The following C6orf62 variants were observed in gnomAD, a reference collection of about 807,000 sequenced individuals.
C6orf62 encodes the protein uncharacterized protein C6orf62.
Under a neutral mutation model 26.8 loss-of-function variants are expected in C6orf62, and 16 were observed. The observed-to-expected ratio is 0.60, with a 90% CI of 0.40 to 0.91. The LOEUF is 0.91. C6orf62 is among the 40% of genes least tolerant of loss of function. The pLI is 0.00. For synonymous variants in C6orf62, 112 were observed against 91.5 expected (o/e 1.22, Z -1.28); for missense variants, 192 against 271.4 (o/e 0.71, Z 2.06).
intron 3 of C6orf62, among the ~76,000 whole-genome samples, chr6:24,713,746 T>C (rs1358582659): frequency 2.6e-5 from 4 of 152,182 alleles, no homozygotes; most frequent in African/African-American, 7.2e-5. Flanking sequence ...CATACAAATA[T>C]ACTGTAAATA....
At chr6:24,706,720 T>C (rs1447759213) in intron 4 of C6orf62, 1 of 156,686 alleles carries the variant, frequency 6.4e-6, no homozygotes, top group Non-Finnish European at 1.4e-5. Context: ...AAGACCATTC[T>C]GGGCAACATG....
chr6:24,720,288 C>A (rs896746767), upstream of C6orf62: 249 of 1,275,310 alleles, frequency 2.0e-4, no homozygotes, highest in Middle Eastern at 1.2e-3. Flanking sequence ...GCGGAAGAGG[C>A]GGCGGCGGCG....
intron 1 of C6orf62, among the ~76,000 whole-genome samples, chr6:24,718,097 G>GT (rs1374995125): frequency 6.6e-6 from 1 of 152,216 alleles, no homozygotes; most frequent in Non-Finnish European, 1.5e-5. Context: ...TTCATTAAAT[G>GT]TAAGAGAAAA....
At chr6:24,716,592 C>T (rs1352739765) in intron 1 of C6orf62, among the ~76,000 whole-genome samples, 1 of 152,140 alleles carries the variant, frequency 6.6e-6, no homozygotes, top group African/African-American at 2.4e-5. Flanking sequence ...TTGGACAATA[C>T]TTCTTAAAAT....
In C6orf62 at chr6:24,708,771, G is replaced by C. The variant is rs771206299; in HGVS notation, c.564+6C>G. On this transcript the variant is annotated splice_donor_region_variant and intron_variant, in intron 4 of 4. Transcript: ENST00000378119. ...CCTGTAAGTGGTTTTCAAAAAAGCT[G>C]CTTACCTGCAAGTGCTGTCTGTCAA... The C allele has an allele frequency of 1.1e-5, 17 of 1,614,156 alleles. 1 individual carries two copies. In the South Asian group the frequency reaches 1.8e-4, roughly 17 times the overall value.
At chr6:24,718,463 A>C in intron 1 of C6orf62, 77 bp downstream of exon 1, 1 of 1,371,994 alleles carries the variant, frequency 7.3e-7, no homozygotes, top group South Asian at 1.3e-5. Context: ...TAATATTCAT[A>C]ATAATTTAAG....
At chr6:24,708,271 G>C (rs77700310) in intron 4 of C6orf62, among the ~76,000 whole-genome samples, 1 of 139,956 alleles carries the variant, frequency 7.1e-6, no homozygotes, top group Admixed American at 7.0e-5. Flanking sequence ...AAAAAAAAAG[G>C]CTTGCCAGGT....
At position 24,708,785 on chromosome 6, in the gene C6orf62, G is replaced by T. The variant is rs536734991; in HGVS notation, c.556C>A (p.His186Asn). The change falls in exon 4 of 5, where the codon CAC (histidine) becomes AAC (asparagine). Residue 186 changes from histidine (H) to asparagine (N), a missense_variant. Physicochemically the swap from His to Asn is moderately conservative, Grantham distance 68 (BLOSUM62 1). Transcript: ENST00000378119. ...QSVFLFIDRQ[H>N]LQTPKNKATI... ...TCAAAAAAGCTGCTTACCTGCAAGT[G>T]CTGTCTGTCAATGAAGAGAAACACT... 6.2e-7 allele frequency: 1 copy of T among 1,614,184 alleles called. No individual in the cohort carries two copies. The highest frequency in any genetic ancestry group is 1.1e-5 in the South Asian group (1 of 91,082).
In C6orf62 at chr6:24,705,919, C is replaced by G; in HGVS notation, c.*218G>C. 1 of 520,950 alleles carries G rather than the reference C, an allele frequency of 1.9e-6. No homozygotes were observed. The highest frequency in any genetic ancestry group is 3.6e-5 in the East Asian group (1 of 27,776). The allele number at this position is 520,950 out of a possible 1,614,324, so 32.3% of individuals were successfully genotyped here. ...GATGCAGTGCAGCAAATATGCAAAG[C>G]ATCTTCTTTCACACAGTCCGTGCAC... On this transcript the variant is annotated 3_prime_UTR_variant, in exon 5 of 5. Transcript: ENST00000378119.
intron 3 of C6orf62, among the ~76,000 whole-genome samples, chr6:24,712,013 A>G (rs983935123): frequency 6.6e-6 from 1 of 152,146 alleles, no homozygotes; most frequent in African/African-American, 2.4e-5. Flanking sequence ...CTTGGGCCTT[A>G]TTTACCTAAT....
intron 3 of C6orf62, chr6:24,709,469 A>T: frequency 1.0e-6 from 1 of 975,318 alleles, no homozygotes; most frequent in Non-Finnish European, 1.2e-6. Context: ...CTCACTAGTT[A>T]CGTGACCGTA....
At chr6:24,711,356 T>C (rs1055983054) in intron 3 of C6orf62, among the ~76,000 whole-genome samples, 32 of 152,190 alleles carry the variant, frequency 2.1e-4, no homozygotes, top group African/African-American at 7.0e-4. Context: ...ACCTTGGCAG[T>C]AGCATTAATA....
chr6:24,716,361 A>T, intron 1 of C6orf62, 37 bp from the exon 2 acceptor site: 4 of 1,497,574 alleles, frequency 2.7e-6, no homozygotes, highest in South Asian at 1.1e-5. Context: ...ACCCACAGGG[A>T]GCACAGCCTT....
upstream of C6orf62, chr6:24,720,297 C>CGGG (rs1779330539): frequency 1.6e-6 from 2 of 1,285,146 alleles, no homozygotes; most frequent in Non-Finnish European, 9.7e-7. Context: ...GCGGCGGCGG[C>CGGG]GGGGGCGCTG....
chr6:24,711,676 T>TCAAAAAA (rs144392651), intron 3 of C6orf62, among the ~76,000 whole-genome samples: 3 of 151,432 alleles, frequency 2.0e-5, no homozygotes, highest in Admixed American at 6.6e-5. Flanking sequence ...GCTTTAAGAG[T>TCAAAAAA]CAAAAAACAA....
At chr6:24,717,388 C>T (rs979307146) in intron 1 of C6orf62, among the ~76,000 whole-genome samples, 6 of 152,202 alleles carry the variant, frequency 3.9e-5, no homozygotes, top group Non-Finnish European at 5.9e-5. Flanking sequence ...GATGTAAGTC[C>T]TTGATACCAC....
Position 24,708,818 on chromosome 6 carries a change from T to G in C6orf62, c.523A>C (p.Asn175His). 3 of 1,614,210 alleles carry G rather than the reference T, an allele frequency of 1.9e-6. No individual in the cohort carries two copies. The highest frequency in any genetic ancestry group is 2.2e-5 in the South Asian group (2 of 91,086). The change falls in exon 4 of 5, where the codon AAC becomes CAC. Residue 175 changes from asparagine to histidine, a missense_variant. By Grantham distance (68) the Asn-to-His change is moderately conservative. Transcript: ENST00000378119. ...DKTGIVVNNP[N>H]QSVFLFIDRQ... ...TCAATGAAGAGAAACACTGACTGGT[T>G]AGGATTGTTGACAACGATTCCAGTC...
upstream of C6orf62, chr6:24,720,106 T>C (rs1269022155): frequency 8.2e-6 from 11 of 1,342,272 alleles, no homozygotes; most frequent in Non-Finnish European, 9.5e-6. Context: ...TTGTTTAGGG[T>C]GGGGTCGTTA....
intron 1 of C6orf62, among the ~76,000 whole-genome samples, chr6:24,717,381 G>T (rs1020657794): frequency 6.6e-6 from 1 of 152,238 alleles, no homozygotes; most frequent in Non-Finnish European, 1.5e-5. Context: ...AAGTGGAGAT[G>T]TAAGTCCTTG....
Sources: gnomAD v4.1 joint callset for allele counts (sites outside exome capture counted in the v4.1 genomes callset) on GRCh38, gnomAD v4.1.1 for gene constraint, MANE v1.5 for transcripts, NCBI Gene and HGNC (gene_info 2026-07-23, HGNC 2026-07-21) for gene names.